The following CACHD1 variants were observed in gnomAD, a reference collection of about 807,000 sequenced individuals.
The protein encoded by CACHD1 is cache domain containing 1.
A neutral mutation model predicts 138.7 loss-of-function variants in CACHD1; 71 were observed. The observed-to-expected ratio is 0.51, with a 90% CI of 0.42 to 0.62. The LOEUF (loss-of-function observed/expected upper bound fraction) is 0.62, where lower values mean the gene tolerates loss of function less well. Among genes scored for constraint, CACHD1 ranks in the 20% least tolerant of loss-of-function variants. CACHD1 has a pLI of 0.00. For missense variants in CACHD1, 1,389 were observed against 1,625.3 expected (o/e 0.85, Z 2.50); for synonymous variants, 578 against 591.5 (o/e 0.98, Z 0.33).
chr1:64,578,945 G>T (rs967305286), intron 2 of CACHD1, among the ~76,000 whole-genome samples: 2 of 152,144 alleles, frequency 1.3e-5, no homozygotes, highest in African/African-American at 4.8e-5. Flanking sequence ...CTGCCAAAGG[G>T]TAGACCTGTT....
intron 2 of CACHD1, among the ~76,000 whole-genome samples, chr1:64,560,146 T>A (rs1396506226): frequency 6.6e-6 from 1 of 152,278 alleles, no homozygotes; most frequent in Middle Eastern, 3.4e-3. Context: ...ATAGAATGAA[T>A]GGTAAAATAT....
At position 64,502,100 on chromosome 1, in the gene CACHD1, G is replaced by C. The variant is rs12089002; in HGVS notation, c.198+31158G>C. 4.0e-3 allele frequency among the ~76,000 whole-genome samples: 610 copies of C among 152,258 alleles called. 6 individuals carry two copies. Among genetic ancestry groups the C allele is most frequent in the African/African-American group, 0.013 (556 of 41,534 alleles). ...TTCCCAGTTGTTGTTGTTTTTAAAG[G>C]CTAAGGAAAAGAAGCAACAGAGATT... On this transcript the variant is annotated intron_variant, in intron 1 of 26. Coordinates refer to ENST00000651257, the MANE Select transcript of CACHD1 (RefSeq NM_020925.4).
At chr1:64,495,617 T>A (rs1444324569) in intron 1 of CACHD1, among the ~76,000 whole-genome samples, 1 of 152,092 alleles carries the variant, frequency 6.6e-6, no homozygotes, top group Non-Finnish European at 1.5e-5. Flanking sequence ...GGGAGAGAGA[T>A]GAAATGATAG....
intron 1 of CACHD1, among the ~76,000 whole-genome samples, chr1:64,480,636 A>G (rs756985064): frequency 6.6e-6 from 1 of 152,052 alleles, no homozygotes; most frequent in Non-Finnish European, 1.5e-5. Flanking sequence ...GTCAATAACT[A>G]TCATTGCGAA....
Position 64,641,800 on chromosome 1 carries a change from A to G in CACHD1, c.1007-20A>G, listed in dbSNP as rs768857545. ...AGCTGGAATCCAAAGAGAGCATTCA[A>G]TTGATGTGTTTTTGTTTAGATACAG... On this transcript the variant is annotated intron_variant, in intron 7 of 26. Coordinates refer to ENST00000651257, the MANE Select transcript of CACHD1 (RefSeq NM_020925.4). 6 of 1,375,890 alleles carry G rather than the reference A, an allele frequency of 4.4e-6. No homozygotes were observed. Among genetic ancestry groups the G allele is most frequent in the Non-Finnish European group, 5.7e-6 (6 of 1,048,446 alleles). The allele number at this position is 1,375,890 out of a possible 1,614,324, so 85.2% of individuals were successfully genotyped here.
At chr1:64,522,283 C>A (rs1222582685) in intron 1 of CACHD1, among the ~76,000 whole-genome samples, 1 of 148,604 alleles carries the variant, frequency 6.7e-6, no homozygotes, top group African/African-American at 2.4e-5. Flanking sequence ...GAAACAAGTT[C>A]TTTTCTTTTC....
intron 2 of CACHD1, among the ~76,000 whole-genome samples, chr1:64,576,353 T>C (rs775188742): frequency 6.6e-6 from 1 of 152,194 alleles, no homozygotes; most frequent in Non-Finnish European, 1.5e-5. Context: ...GGGTCTACAT[T>C]GGCCCTTCGG....
chr1:64,606,883 C>G (rs780071292), intron 4 of CACHD1, among the ~76,000 whole-genome samples: 82 of 152,066 alleles, frequency 5.4e-4, no homozygotes, highest in Admixed American at 7.9e-4. Context: ...AGATCCTTGG[C>G]CTTACAAGGA....
chr1:64,643,258 T>A (rs1648787631), intron 8 of CACHD1, among the ~76,000 whole-genome samples: 1 of 151,668 alleles, frequency 6.6e-6, no homozygotes, highest in Non-Finnish European at 1.5e-5. Context: ...CTTATTCAGA[T>A]CCTCTTAGGA....
chr1:64,629,579 G>C, intron 5 of CACHD1, 98 bp downstream of exon 5: 1 of 1,358,678 alleles, frequency 7.4e-7, no homozygotes, highest in Non-Finnish European at 9.9e-7. Context: ...ATGCCTTTAA[G>C]CTGTGGATTC....
chr1:64,559,942 AAAAG>A (rs1484242489), intron 2 of CACHD1, among the ~76,000 whole-genome samples: 1 of 152,186 alleles, frequency 6.6e-6, no homozygotes, highest in African/African-American at 2.4e-5. Context: ...GATATTTTAA[AAAAG>A]AAATTTGCTA....
chr1:64,651,703 AG>A (rs1317008924), intron 9 of CACHD1, among the ~76,000 whole-genome samples: 1 of 152,200 alleles, frequency 6.6e-6, no homozygotes, highest in Non-Finnish European at 1.5e-5. Flanking sequence ...CAAGGCTCAG[AG>A]TAGTTATATC....
chr1:64,679,630 G>T lies in CACHD1; in HGVS notation c.3280G>T (p.Ala1094Ser), dbSNP rs753954534. ...GATCACATTAAACATGATTAAAAGC[G>T]CCCCTGTGGGTCCTGTGGCTGGAGG... ...EVITLNMIKS[A>S]PVGPVAGGIM... is the part of the protein sequence containing the mutation. The change falls in exon 24 of 27, where the codon GCC becomes TCC. Residue 1094 changes from alanine to serine, a missense_variant. By Grantham distance (99) the Ala-to-Ser change is moderately conservative. Transcript: ENST00000651257. The T allele has an allele frequency of 5.0e-6, 8 of 1,614,046 alleles. No homozygotes were observed. The highest frequency in any genetic ancestry group is 2.2e-5 in the East Asian group (1 of 44,894).
At chr1:64,575,345 T>A (rs1646958801) in intron 2 of CACHD1, among the ~76,000 whole-genome samples, 1 of 152,248 alleles carries the variant, frequency 6.6e-6, no homozygotes, top group Non-Finnish European at 1.5e-5. Flanking sequence ...GAGCATTTCT[T>A]ATATCCTGTA....
chr1:64,594,524 A>C (rs968039298), intron 3 of CACHD1, among the ~76,000 whole-genome samples: 3 of 152,112 alleles, frequency 2.0e-5, no homozygotes. Flanking sequence ...GTGTGTGTGC[A>C]TTAGGTAGAT....
chr1:64,555,900 C>G (rs1463849302), intron 2 of CACHD1, among the ~76,000 whole-genome samples: 3 of 152,162 alleles, frequency 2.0e-5, no homozygotes, highest in Non-Finnish European at 4.4e-5. Flanking sequence ...TGTTTTCTGT[C>G]ATTAGTTGAG....
chr1:64,678,796 A>G (rs1650077578), intron 23 of CACHD1, among the ~76,000 whole-genome samples: 1 of 152,188 alleles, frequency 6.6e-6, no homozygotes, highest in Admixed American at 6.5e-5. Flanking sequence ...AGGATGAAGC[A>G]CAAGGACACC....
chr1:64,472,365 C>T (rs1018992514), intron 1 of CACHD1, among the ~76,000 whole-genome samples: 1 of 152,144 alleles, frequency 6.6e-6, no homozygotes, highest in African/African-American at 2.4e-5. Flanking sequence ...GAGGAAAGTT[C>T]CACAGACCTT....
intron 8 of CACHD1, among the ~76,000 whole-genome samples, chr1:64,644,666 C>T (rs1232148139): frequency 2.6e-5 from 4 of 152,256 alleles, no homozygotes; most frequent in African/African-American, 7.2e-5. Flanking sequence ...CACATCCTCA[C>T]TGCCAGTTTT....
Sources: allele counts gnomAD v4.1 joint callset (sites outside exome capture counted in the v4.1 genomes callset), GRCh38; gene constraint gnomAD v4.1.1; transcripts MANE v1.5; gene names NCBI Gene and HGNC (gene_info 2026-07-23, HGNC 2026-07-21).